EML4: variants seen among roughly 807,000 people sequenced by gnomAD.
The protein encoded by EML4 is echinoderm microtubule-associated protein-like 4.
Under a neutral mutation model 129.0 loss-of-function variants are expected in EML4, and 72 were observed. The ratio of observed to expected loss-of-function variants is 0.56; its 90% CI spans 0.46 to 0.68. The LOEUF (loss-of-function observed/expected upper bound fraction) is 0.68. Among genes scored for constraint, EML4 ranks in the 30% least tolerant of loss-of-function variants. EML4 has a pLI of 0.00. For synonymous variants in EML4, 532 were observed against 405.0 expected (o/e 1.31, Z -3.77); for missense variants, 1,363 against 1,190.6 (o/e 1.14, Z -2.13).
chr2:42,201,797 A>G (rs555696585), intron 1 of EML4, among the ~76,000 whole-genome samples: 7 of 152,162 alleles, frequency 4.6e-5, no homozygotes, highest in South Asian at 4.1e-4. Flanking sequence ...AACTCAGAAA[A>G]TAGGCCGGGC....
chr2:42,274,388 C>A (rs1386487916), intron 6 of EML4, among the ~76,000 whole-genome samples: 2 of 152,152 alleles, frequency 1.3e-5, no homozygotes, highest in African/African-American at 4.8e-5. Flanking sequence ...CAAATAATTA[C>A]AATCACAGTC....
At chr2:42,192,639 A>G (rs1431003711) in intron 1 of EML4, among the ~76,000 whole-genome samples, 2 of 152,126 alleles carry the variant, frequency 1.3e-5, no homozygotes. Context: ...TGCCTCTTTG[A>G]TTGCAATATG....
intron 6 of EML4, among the ~76,000 whole-genome samples, chr2:42,266,243 C>A (rs914600913): frequency 4.6e-5 from 7 of 152,098 alleles, no homozygotes; most frequent in African/African-American, 1.7e-4. Context: ...TTTAGTAGGT[C>A]TTACTTTCTC....
At chr2:42,192,198 C>T (rs1400227379) in intron 1 of EML4, among the ~76,000 whole-genome samples, 1 of 138,426 alleles carries the variant, frequency 7.2e-6, no homozygotes, top group African/African-American at 2.7e-5. Context: ...GAAAGTTACT[C>T]TTTTCTTTGC....
intron 1 of EML4, among the ~76,000 whole-genome samples, chr2:42,175,448 G>C (rs759089417): frequency 1.3e-5 from 2 of 151,550 alleles, no homozygotes; most frequent in Non-Finnish European, 2.9e-5. Context: ...TTAAGTCCAG[G>C]TTTTTTCTTT....
chr2:42,209,834 C>T (rs1484003693), intron 1 of EML4, among the ~76,000 whole-genome samples: 1 of 152,086 alleles, frequency 6.6e-6, no homozygotes, highest in African/African-American at 2.4e-5. Context: ...GAGGCTGAGG[C>T]AGGAGAATTG....
chr2:42,173,659 G>A (rs1276553871), intron 1 of EML4, among the ~76,000 whole-genome samples: 1 of 151,904 alleles, frequency 6.6e-6, no homozygotes, highest in East Asian at 1.9e-4. Flanking sequence ...GACCAGCCTG[G>A]GCAACATAGC....
intron 1 of EML4, among the ~76,000 whole-genome samples, chr2:42,198,198 G>A (rs1332250802): frequency 6.6e-6 from 1 of 152,170 alleles, no homozygotes; most frequent in African/African-American, 2.4e-5. Context: ...GATAGAGGGA[G>A]TCTGACTTAA....
chr2:42,284,752 G>C lies in EML4; in HGVS notation c.1011+49G>C, dbSNP rs115545344. ...TCTGTACCTAGAGACATTGCTGTTA[G>C]AGTGGAATCTATTGTAATTTTAACC... On this transcript the variant is annotated intron_variant, in intron 9 of 22. Transcript: ENST00000318522. The C allele has an allele frequency of 7.1e-4, 968 of 1,367,870 alleles. 6 individuals carry two copies. Among genetic ancestry groups the C allele is most frequent in the South Asian group, 4.4e-3 (324 of 73,612 alleles). 84.7% of individuals were successfully genotyped at this position (1,367,870 alleles called of 1,614,324 possible). A position where few individuals can be genotyped will look rare whatever the true frequency, so the allele number is the denominator to read the frequency against.
chr2:42,189,268 A>G (rs531895515), intron 1 of EML4, among the ~76,000 whole-genome samples: 28 of 152,242 alleles, frequency 1.8e-4, no homozygotes, highest in Admixed American at 1.8e-3. Flanking sequence ...AGTCTTGCTG[A>G]TTTTTCCTCT....
At chr2:42,182,878 G>T (rs981538476) in intron 1 of EML4, among the ~76,000 whole-genome samples, 2 of 152,048 alleles carry the variant, frequency 1.3e-5, no homozygotes, top group African/African-American at 4.8e-5. Flanking sequence ...TCCTCATGTG[G>T]CCTTTTCTTT....
At chr2:42,315,069 A>C (rs1669167637) in intron 17 of EML4, among the ~76,000 whole-genome samples, 1 of 152,176 alleles carries the variant, frequency 6.6e-6, no homozygotes, top group Non-Finnish European at 1.5e-5. Context: ...GAATCACACC[A>C]AATGAATGGC....
At position 42,329,833 on chromosome 2, in the gene EML4, A is replaced by G; in HGVS notation, c.2572A>G (p.Ser858Gly). The G allele has an allele frequency of 6.2e-7, 1 of 1,614,188 alleles. No individual in the cohort carries two copies. The highest frequency in any genetic ancestry group is 8.5e-7 in the Non-Finnish European group (1 of 1,180,038). ...HLISTGGKDMSIIQWKLVEKL... is the reference protein window; with the variant it reads ...HLISTGGKDMGIIQWKLVEKL... ...GATATCAACTGGTGGAAAAGACATG[A>G]GCATCATTCAGTGGAAACTTGTGGA... The change falls in exon 23 of 23, where the codon AGC becomes GGC. Residue 858 changes from serine (S) to glycine (G), a missense_variant. Physicochemically the swap from Ser to Gly is moderately conservative, Grantham distance 56. Coordinates refer to ENST00000318522, the MANE Select transcript of EML4 (RefSeq NM_019063.5).
At chr2:42,270,258 A>G (rs1021983023) in intron 6 of EML4, among the ~76,000 whole-genome samples, 3 of 152,066 alleles carry the variant, frequency 2.0e-5, no homozygotes, top group South Asian at 4.1e-4. Context: ...CTTGTGAACT[A>G]CCTTTTGAAG....
chr2:42,213,445 A>C (rs1391999205), intron 1 of EML4, among the ~76,000 whole-genome samples: 1 of 152,220 alleles, frequency 6.6e-6, no homozygotes, highest in Non-Finnish European at 1.5e-5. Context: ...ATCATAGTCC[A>C]TTTACCCAGT....
chr2:42,306,921 C>A (rs1158272458), intron 17 of EML4, among the ~76,000 whole-genome samples: 2 of 152,162 alleles, frequency 1.3e-5, no homozygotes, highest in African/African-American at 4.8e-5. Flanking sequence ...AGCTCAGGTT[C>A]TGCATGGTTC....
chr2:42,325,121 G>C (rs760122510), intron 19 of EML4: 30 of 476,708 alleles, frequency 6.3e-5, no homozygotes, highest in Non-Finnish European at 1.1e-4. Context: ...CTCAAAAATG[G>C]AGTCACTCTC....
intron 1 of EML4, among the ~76,000 whole-genome samples, chr2:42,235,188 C>T (rs1347701804): frequency 2.0e-5 from 3 of 151,734 alleles, no homozygotes; most frequent in East Asian, 1.9e-4. Flanking sequence ...CCCAGCTACC[C>T]GGGAGGCTAA....
chr2:42,245,722 T>C, intron 2 of EML4, 35 bp downstream of exon 2: 1 of 1,511,154 alleles, frequency 6.6e-7, no homozygotes, highest in Non-Finnish European at 8.9e-7. Context: ...GAGTCTTGCT[T>C]TTTGCAATAT....
Sources: gnomAD v4.1 joint callset for allele counts (sites outside exome capture counted in the v4.1 genomes callset) on GRCh38, gnomAD v4.1.1 for gene constraint, MANE v1.5 for transcripts, NCBI Gene and HGNC (gene_info 2026-07-23, HGNC 2026-07-21) for gene names.